The following TATDN1 variants were observed in gnomAD, a reference collection of about 807,000 sequenced individuals.
The protein encoded by TATDN1 is TatD DNase domain containing 1.
TATDN1 carries 40 observed loss-of-function variants against 46.4 expected under a neutral mutation model. That is an observed-to-expected ratio of 0.86 (90% CI 0.67 to 1.12). The LOEUF (loss-of-function observed/expected upper bound fraction) is 1.12, where lower values mean the gene tolerates loss of function less well. Among genes scored for constraint, TATDN1 ranks in the 50% most tolerant of loss-of-function variants. The pLI is 0.00. For missense variants in TATDN1, 326 were observed against 348.4 expected (o/e 0.94, Z 0.51); for synonymous variants, 95 against 105.6 (o/e 0.90, Z 0.62).
chr8:124,509,158 A>G (rs921527729), intron 6 of TATDN1, among the ~76,000 whole-genome samples: 1 of 152,244 alleles, frequency 6.6e-6, no homozygotes, highest in Admixed American at 6.5e-5. Context: ...TTATGCTATT[A>G]AAAAAAGAAA....
At chr8:124,495,234 C>T in intron 10 of TATDN1, 1 of 502,626 alleles carries the variant, frequency 2.0e-6, no homozygotes, top group Non-Finnish European at 3.5e-6. Context: ...GAGTTATATT[C>T]TGGCATCTCA....
At chr8:124,535,788 T>G (rs1426901722) in intron 1 of TATDN1, among the ~76,000 whole-genome samples, 1 of 152,212 alleles carries the variant, frequency 6.6e-6, no homozygotes, top group African/African-American at 2.4e-5. Flanking sequence ...TTGTACAAGA[T>G]GCATGACACC....
intron 1 of TATDN1, among the ~76,000 whole-genome samples, chr8:124,526,172 G>A (rs909763891): frequency 1.1e-4 from 17 of 152,042 alleles, no homozygotes; most frequent in African/African-American, 3.9e-4. Flanking sequence ...TTGTAACCGC[G>A]CCCCACCTTT....
chr8:124,533,245 C>G (rs1821127423), intron 1 of TATDN1, among the ~76,000 whole-genome samples: 1 of 147,648 alleles, frequency 6.8e-6, no homozygotes, highest in South Asian at 2.1e-4. Flanking sequence ...GAGTGAGACT[C>G]TGTCTCAAAA....
chr8:124,535,475 C>A (rs1339864911), intron 1 of TATDN1, among the ~76,000 whole-genome samples: 1 of 152,010 alleles, frequency 6.6e-6, no homozygotes, highest in Admixed American at 6.6e-5. Flanking sequence ...GACATGACCA[C>A]CAAGGGACAT....
chr8:124,490,554 A>G (rs1816897111), intron 11 of TATDN1, among the ~76,000 whole-genome samples: 2 of 152,124 alleles, frequency 1.3e-5, no homozygotes, highest in South Asian at 4.1e-4. Flanking sequence ...AGCTTAGGAC[A>G]TCCTATTTTA....
At chr8:124,538,651 C>A (rs1586703430) in intron 1 of TATDN1, among the ~76,000 whole-genome samples, 1 of 152,158 alleles carries the variant, frequency 6.6e-6, no homozygotes, top group Non-Finnish European at 1.5e-5. Context: ...TCCCCAGAAG[C>A]GGTCAGCCTC....
At position 124,522,168 on chromosome 8, in the gene TATDN1, C is replaced by A. The variant is rs528139673; in HGVS notation, c.121G>T (p.Glu41Ter). The A allele has an allele frequency of 3.8e-6, 6 of 1,596,328 alleles. No individual in the cohort carries two copies. Among genetic ancestry groups the A allele is most frequent in the Admixed American group, 1.7e-5 (1 of 57,680 alleles). The part of the protein sequence containing the change: ...DLQDVIGRAV[E>*]IGVKKFMITG... Reference sequence around the variant, plus strand: ...GATGTTACCTTTTTAACACCAATCTCGACAGCTCTCCCTATTACATCCTGT... The same window carrying A: ...GATGTTACCTTTTTAACACCAATCTAGACAGCTCTCCCTATTACATCCTGT... The change falls in exon 3 of 12, where the codon GAG becomes TAG. Residue 41 changes from glutamate to a stop codon, truncating the protein, a stop_gained. Coordinates refer to ENST00000276692, the MANE Select transcript of TATDN1 (RefSeq NM_032026.4). LOFTEE classifies it high-confidence loss of function.
intron 3 of TATDN1, among the ~76,000 whole-genome samples, chr8:124,519,918 C>A (rs1343422484): frequency 6.6e-6 from 1 of 152,028 alleles, no homozygotes; most frequent in Admixed American, 6.6e-5. Context: ...CTTCTGAAGA[C>A]GTGATTCAAG....
chr8:124,518,960 T>C (rs1819797071), intron 3 of TATDN1, 79 bp from the exon 4 acceptor site: 1 of 896,236 alleles, frequency 1.1e-6, no homozygotes, highest in Admixed American at 2.0e-5. Context: ...TTCCTACCAC[T>C]TCCTTATTCC....
chr8:124,514,075 G>T (rs534706135), intron 6 of TATDN1, among the ~76,000 whole-genome samples: 2 of 152,098 alleles, frequency 1.3e-5, no homozygotes, highest in African/African-American at 4.8e-5. Context: ...ACAAATGAGC[G>T]ACCTAAAAGA....
At chr8:124,508,733 T>C (rs1395037943) in intron 6 of TATDN1, 45 bp from the exon 7 acceptor site, 1 of 1,262,768 alleles carries the variant, frequency 7.9e-7, no homozygotes, top group Non-Finnish European at 1.1e-6. Flanking sequence ...AATTGTATTT[T>C]AGCATGAGGA....
chr8:124,538,970 C>T, intron 1 of TATDN1, 55 bp downstream of exon 1: 1 of 1,611,846 alleles, frequency 6.2e-7, no homozygotes, highest in Non-Finnish European at 8.5e-7. Context: ...ACCTTGGTGA[C>T]CGACGCCCGG....
intron 6 of TATDN1, among the ~76,000 whole-genome samples, chr8:124,513,956 A>G (rs1819243330): frequency 1.3e-5 from 2 of 152,236 alleles, no homozygotes; most frequent in African/African-American, 2.4e-5. Flanking sequence ...AATATTCGAC[A>G]GAGGTATAGG....
intron 9 of TATDN1, chr8:124,503,939 T>A: frequency 7.7e-7 from 1 of 1,306,970 alleles, no homozygotes; most frequent in Non-Finnish European, 1.0e-6. Flanking sequence ...GACGTGTATA[T>A]GTATACATAA....
chr8:124,516,368 T>C (rs550676915), intron 4 of TATDN1, among the ~76,000 whole-genome samples: 1 of 152,090 alleles, frequency 6.6e-6, no homozygotes, highest in East Asian at 1.9e-4. Context: ...AGTGGTGCTA[T>C]CACAGCTTAC....
chr8:124,532,495 G>C (rs1361343268), intron 1 of TATDN1, among the ~76,000 whole-genome samples: 1 of 152,146 alleles, frequency 6.6e-6, no homozygotes, highest in East Asian at 1.9e-4. Context: ...TGTTGGTCAG[G>C]CTGGTCTCAA....
chr8:124,516,075 C>T, intron 4 of TATDN1, 45 bp from the exon 5 acceptor site: 11 of 1,470,748 alleles, frequency 7.5e-6, no homozygotes, highest in Non-Finnish European at 1.0e-5. Context: ...AGTATTTTCT[C>T]ATATTTATAT....
At chr8:124,503,820 T>C in intron 9 of TATDN1, 1 of 959,384 alleles carries the variant, frequency 1.0e-6, no homozygotes, top group Non-Finnish European at 1.5e-6. Context: ...TGGGTTCTCA[T>C]ACTTGGAGAA....
Sources: allele counts gnomAD v4.1 joint callset (sites outside exome capture counted in the v4.1 genomes callset), GRCh38; gene constraint gnomAD v4.1.1; transcripts MANE v1.5; gene names NCBI Gene and HGNC (gene_info 2026-07-23, HGNC 2026-07-21).